SLC39A11: variants seen among roughly 807,000 people sequenced by gnomAD.
SLC39A11 encodes solute carrier family 39 member 11.
SLC39A11 carries 33 observed loss-of-function variants against 36.1 expected under a neutral mutation model. That is an observed-to-expected ratio of 0.91 (90% CI 0.69 to 1.22). The LOEUF (loss-of-function observed/expected upper bound fraction) is 1.22. SLC39A11 is among the 50% of genes most tolerant of loss of function. The pLI is 0.00. For missense variants in SLC39A11, 432 were observed against 430.3 expected (o/e 1.00, Z -0.03); for synonymous variants, 166 against 170.3 (o/e 0.97, Z 0.20).
At chr17:73,018,945 A>T (rs957396487) in intron 4 of SLC39A11, among the ~76,000 whole-genome samples, 4 of 152,216 alleles carry the variant, frequency 2.6e-5, no homozygotes, top group Non-Finnish European at 5.9e-5. Context: ...AGGAGCAGCC[A>T]TAGAAAAAGT....
At chr17:72,864,427 T>C (rs965816711) in intron 5 of SLC39A11, among the ~76,000 whole-genome samples, 5 of 151,660 alleles carry the variant, frequency 3.3e-5, no homozygotes, top group South Asian at 2.1e-4. Context: ...CTGTCCTTCA[T>C]AGGACAGGCT....
chr17:72,663,119 C>T (rs1007789599), intron 7 of SLC39A11, among the ~76,000 whole-genome samples: 1 of 152,206 alleles, frequency 6.6e-6, no homozygotes, highest in African/African-American at 2.4e-5. Context: ...TACACAAAGT[C>T]CCCAAACAGG....
At chr17:73,020,807 C>T (rs2058323629) in intron 4 of SLC39A11, among the ~76,000 whole-genome samples, 1 of 150,438 alleles carries the variant, frequency 6.6e-6, no homozygotes, top group Admixed American at 6.7e-5. Context: ...CCCAGCCTCC[C>T]GAGTAGCTGG....
chr17:73,062,051 A>T (rs1380757384), intron 3 of SLC39A11, among the ~76,000 whole-genome samples: 1 of 152,132 alleles, frequency 6.6e-6, no homozygotes, highest in Non-Finnish European at 1.5e-5. Flanking sequence ...CCACAGACAA[A>T]ATGAAACAAA....
rs115448906 is a variant in SLC39A11, at chr17:72,929,686, T to C, written c.430+18066A>G. Among the ~76,000 whole-genome samples, 603 of 152,268 alleles carry C rather than the reference T, an allele frequency of 4.0e-3. 4 individuals carry two copies. The highest frequency in any genetic ancestry group is 0.013 in the African/African-American group (556 of 41,558). ...AAAAATAGGAATCAAGGCCCTTTGA[T>C]AGTCATAGCAGACGACTCCCTTCCC... On this transcript the variant is annotated intron_variant, in intron 5 of 9. Transcript: ENST00000255559.
chr17:72,980,566 A>G (rs1010383008), intron 4 of SLC39A11, among the ~76,000 whole-genome samples: 15 of 152,250 alleles, frequency 9.9e-5, no homozygotes, highest in African/African-American at 3.6e-4. Flanking sequence ...TAAAGTTCAC[A>G]TGGGAAAATA....
At chr17:72,731,648 G>A (rs545314632) in intron 7 of SLC39A11, among the ~76,000 whole-genome samples, 3 of 151,998 alleles carry the variant, frequency 2.0e-5, no homozygotes, top group South Asian at 2.1e-4. Context: ...TTCCCCTATC[G>A]CTAGCATCTC....
chr17:72,972,307 C>T (rs948565990), intron 4 of SLC39A11, among the ~76,000 whole-genome samples: 3 of 152,304 alleles, frequency 2.0e-5, no homozygotes, highest in Non-Finnish European at 2.9e-5. Context: ...GAAGTGTTCA[C>T]AGCCCAGCCA....
chr17:72,865,965 A>G (rs2080280772), intron 5 of SLC39A11, among the ~76,000 whole-genome samples: 1 of 152,218 alleles, frequency 6.6e-6, no homozygotes, highest in African/African-American at 2.4e-5. Context: ...TGGAGGATAA[A>G]TCTAAATCAG....
At position 73,038,542 on chromosome 17, in the gene SLC39A11, T is replaced by C. The variant is rs893992498; in HGVS notation, c.148-6828A>G. 1.7e-3 allele frequency among the ~76,000 whole-genome samples: 170 copies of C among 97,670 alleles called. 1 individual carries two copies. The highest frequency in any genetic ancestry group is 5.8e-3 in the African/African-American group (158 of 27,120). The allele number at this position is 97,670 out of a possible 152,430, so 64.1% of individuals were successfully genotyped here. On this transcript the variant is annotated intron_variant, in intron 3 of 9. Transcript: ENST00000255559. ...GGTGAAACGCTTTCTCTACTAAAAA[T>C]ACAAAAAAAAAAAAAATAGCCAGAC...
At chr17:72,988,519 C>T (rs890607451) in intron 4 of SLC39A11, among the ~76,000 whole-genome samples, 1 of 152,102 alleles carries the variant, frequency 6.6e-6, no homozygotes, top group African/African-American at 2.4e-5. Context: ...ACTCTAGTCA[C>T]CCTACTGTGC....
intron 6 of SLC39A11, among the ~76,000 whole-genome samples, chr17:72,791,936 AC>A (rs1192757592): frequency 2.0e-5 from 3 of 152,070 alleles, no homozygotes; most frequent in Non-Finnish European, 2.9e-5. Flanking sequence ...TTTATAAATT[AC>A]CCAGTCTCGG....
chr17:72,909,603 C>T (rs950837064), intron 5 of SLC39A11, among the ~76,000 whole-genome samples: 1 of 152,216 alleles, frequency 6.6e-6, no homozygotes, highest in Admixed American at 6.5e-5. Context: ...GGAAGAGGAT[C>T]CTCAGCTTCC....
At position 72,774,760 on chromosome 17, in the gene SLC39A11, A is replaced by T. The variant is rs143268828; in HGVS notation, c.602-38041T>A. Among the ~76,000 whole-genome samples, 417 of 152,324 alleles carry T rather than the reference A, an allele frequency of 2.7e-3. 2 individuals carry two copies. Among genetic ancestry groups the T allele is most frequent in the African/African-American group, 9.3e-3 (387 of 41,576 alleles). ...ATTTGAAGAGGAAATAGTGGCTTCT[A>T]GTTAGAGCACCTCTCATCTGCCGGG... On this transcript the variant is annotated intron_variant, in intron 6 of 9. Coordinates refer to ENST00000255559, the MANE Select transcript of SLC39A11 (RefSeq NM_139177.4).
chr17:72,899,040 C>T (rs1598331326), intron 5 of SLC39A11, among the ~76,000 whole-genome samples: 1 of 41,570 alleles, frequency 2.4e-5, no homozygotes, highest in Non-Finnish European at 4.8e-5. Context: ...GCTGCACTCT[C>T]CTAAGCTTTA....
chr17:73,008,004 G>A (rs771059783), intron 4 of SLC39A11, among the ~76,000 whole-genome samples: 1 of 152,088 alleles, frequency 6.6e-6, no homozygotes, highest in East Asian at 1.9e-4. Context: ...TCAGGAGGCT[G>A]AGACAGGAGA....
At chr17:73,034,575 C>T (rs2058842946) in intron 3 of SLC39A11, among the ~76,000 whole-genome samples, 1 of 152,140 alleles carries the variant, frequency 6.6e-6, no homozygotes, top group Non-Finnish European at 1.5e-5. Context: ...TTCTCCCATA[C>T]GGTCCCACCT....
intron 5 of SLC39A11, among the ~76,000 whole-genome samples, chr17:72,858,225 A>C (rs930328717): frequency 6.6e-6 from 1 of 152,170 alleles, no homozygotes; most frequent in Non-Finnish European, 1.5e-5. Context: ...CTACTTATTG[A>C]ATAGGAAGTC....
intron 4 of SLC39A11, among the ~76,000 whole-genome samples, chr17:72,956,250 T>G (rs1037486022): frequency 6.6e-6 from 1 of 152,214 alleles, no homozygotes; most frequent in Non-Finnish European, 1.5e-5. Flanking sequence ...TCAAACTATC[T>G]TGTGAGAGAC....
Sources: allele counts gnomAD v4.1 joint callset (sites outside exome capture counted in the v4.1 genomes callset), GRCh38; gene constraint gnomAD v4.1.1; transcripts MANE v1.5; gene names NCBI Gene and HGNC (gene_info 2026-07-23, HGNC 2026-07-21).